SARM1: variants seen among roughly 807,000 people sequenced by gnomAD.
The protein encoded by SARM1 is NAD(+) hydrolase SARM1.
In SARM1, 60 loss-of-function variants were observed where a neutral mutation model predicts 65.1. The ratio of observed to expected loss-of-function variants is 0.92; its 90% CI spans 0.75 to 1.14. The LOEUF is 1.14. Ranked by LOEUF, SARM1 falls within the 50% of genes most tolerant of loss-of-function variation. The pLI is 0.00. For synonymous variants in SARM1, 417 were observed against 465.4 expected (o/e 0.90, Z 1.34); for missense variants, 913 against 1,015.7 (o/e 0.90, Z 1.37).
Position 28,388,371 on chromosome 17 carries a change from G to A in SARM1, c.1755G>A (p.Gln585=), listed in dbSNP as rs1555586399. The change falls in exon 7 of 9, where the codon CAG becomes CAA. Residue 585 remains glutamine (Q), a synonymous_variant. Transcript: ENST00000585482. ...GCAGTCTCCTGAAGGTGCACCTGCA[G>A]CTGCATGGCTTCAGTGTCTTCATTG... ...QLASLLKVHL[Q]LHGFSVFIDV... The A allele has an allele frequency of 6.2e-7, 1 of 1,613,970 alleles. No homozygotes were observed. The highest frequency in any genetic ancestry group is 1.7e-5 in the Admixed American group (1 of 60,018).
intron 1 of SARM1, among the ~76,000 whole-genome samples, chr17:28,375,140 C>G (rs1555584486): frequency 6.6e-6 from 1 of 152,156 alleles, no homozygotes; most frequent in African/African-American, 2.4e-5. Flanking sequence ...TATGGCTCTT[C>G]AAATCTGGCC....
Position 28,381,754 on chromosome 17 carries a change from C to A in SARM1, c.1022C>A (p.Ala341Glu). The A allele has an allele frequency of 6.7e-7, 1 of 1,497,932 alleles. No individual in the cohort carries two copies. The highest frequency in any genetic ancestry group is 1.3e-5 in the South Asian group (1 of 75,648). The allele number at this position is 1,497,932 out of a possible 1,614,324, so 92.8% of individuals were successfully genotyped here. A position where few individuals can be genotyped will look rare whatever the true frequency, so the allele number is the denominator to read the frequency against. ...TTGCTCGACTCTAACCGCTTGGAGG[C>A]GCAGTGCATCGGGGCTTTCTACCTC... ...VPLLDSNRLE[A>E]QCIGAFYLCA... is the part of the protein sequence containing the mutation. Residue 341 changes from alanine (A) to glutamate (E), a missense_variant, in exon 2 of 9, where the codon GCG (alanine) becomes GAG (glutamate). This residue lies in a region of SARM1 where 862 missense variants were observed against 952.1 expected (regional missense o/e 0.91). Transcript: ENST00000585482.
At chr17:28,391,479 G>A (rs1257753940) in intron 7 of SARM1, among the ~76,000 whole-genome samples, 1 of 152,132 alleles carries the variant, frequency 6.6e-6, no homozygotes, top group African/African-American at 2.4e-5. Context: ...AGCCCCAGAG[G>A]CCATGTAGGA....
intron 1 of SARM1, chr17:28,374,450 T>C (rs1464762894): frequency 6.6e-6 from 1 of 152,168 alleles, no homozygotes; most frequent in Non-Finnish European, 1.5e-5. Flanking sequence ...GGCAGGAGAA[T>C]TGCTGGAACT....
intron 1 of SARM1, among the ~76,000 whole-genome samples, chr17:28,378,597 T>G (rs1285056907): frequency 6.6e-6 from 1 of 152,184 alleles, no homozygotes; most frequent in Non-Finnish European, 1.5e-5. Flanking sequence ...TTTTTCCCAC[T>G]CAGTGTTGGG....
At chr17:28,388,659 G>A in intron 7 of SARM1, 120 bp downstream of exon 7, 1 of 1,027,448 alleles carries the variant, frequency 9.7e-7, no homozygotes, top group Non-Finnish European at 1.4e-6. Context: ...GCACCTCCTT[G>A]GCCCAGCTGG....
intron 7 of SARM1, 50 bp from the exon 8 acceptor site, chr17:28,395,855 G>A: frequency 1.2e-6 from 2 of 1,606,118 alleles, no homozygotes; most frequent in East Asian, 2.2e-5. Flanking sequence ...GGCTACAAGG[G>A]TCCCTAGATG....
chr17:28,388,374 G>C lies in SARM1; in HGVS notation c.1758G>C (p.Leu586=), dbSNP rs1555586400. The change falls in exon 7 of 9, where the codon CTG becomes CTC. Residue 586 remains leucine, a synonymous_variant. Transcript: ENST00000585482. The part of the protein sequence containing the change: ...LASLLKVHLQ[L]HGFSVFIDVE... ...GTCTCCTGAAGGTGCACCTGCAGCT[G>C]CATGGCTTCAGTGTCTTCATTGATG... is the stretch of plus-strand genomic sequence containing the variant. 2 of 1,613,998 alleles carry C rather than the reference G, an allele frequency of 1.2e-6. No homozygotes were observed. Among genetic ancestry groups the C allele is most frequent in the East Asian group, 4.5e-5 (2 of 44,884 alleles).
At chr17:28,390,586 A>T (rs1350451796) in intron 7 of SARM1, among the ~76,000 whole-genome samples, 2 of 152,060 alleles carry the variant, frequency 1.3e-5, no homozygotes, top group Non-Finnish European at 2.9e-5. Context: ...AGACCACGCT[A>T]TATAGGGTTA....
Position 28,399,758 on chromosome 17 carries a change from C to T in SARM1, c.*3472C>T, listed in dbSNP as rs1275514096. On this transcript the variant is annotated 3_prime_UTR_variant, in exon 9 of 9. Coordinates refer to ENST00000585482, the MANE Select transcript of SARM1 (RefSeq NM_015077.4). Reference sequence around the variant, plus strand: ...GAGTTTGGATTTCATGTGGGGAACCCTCAAGGCCTGTCTGGAGAAGTGACA... The same window carrying T: ...GAGTTTGGATTTCATGTGGGGAACCTTCAAGGCCTGTCTGGAGAAGTGACA... 2 of 1,606,072 alleles carry T rather than the reference C, an allele frequency of 1.2e-6. No individual in the cohort carries two copies. Among genetic ancestry groups the T allele is most frequent in the South Asian group, 1.1e-5 (1 of 90,876 alleles).
At chr17:28,391,724 AAAAAG>A (rs1344294891) in intron 7 of SARM1, among the ~76,000 whole-genome samples, 4 of 141,750 alleles carry the variant, frequency 2.8e-5, no homozygotes, top group African/African-American at 1.1e-4. Context: ...AAAAAAAAAA[AAAAAG>A]AGAGAGAGAG....
At chr17:28,377,784 G>C (rs2068001336) in intron 1 of SARM1, among the ~76,000 whole-genome samples, 1 of 152,090 alleles carries the variant, frequency 6.6e-6, no homozygotes, top group Admixed American at 6.6e-5. Context: ...TGCAACCTCT[G>C]CCTCCTGGGT....
In SARM1 at chr17:28,371,955, T is replaced by A; in HGVS notation, c.-78T>A. 1 of 1,094,342 alleles carries A rather than the reference T, an allele frequency of 9.1e-7. No homozygotes were observed. The highest frequency in any genetic ancestry group is 1.2e-6 in the Non-Finnish European group (1 of 814,414). The allele number at this position is 1,094,342 out of a possible 1,614,324, so 67.8% of individuals were successfully genotyped here. A position where few individuals can be genotyped will look rare whatever the true frequency, so the allele number is the denominator to read the frequency against. On this transcript the variant is annotated 5_prime_UTR_variant, in exon 1 of 9. Coordinates refer to ENST00000585482, the MANE Select transcript of SARM1 (RefSeq NM_015077.4). ...TCTTCTTTCCCCGACCCCTCTCGGGTCCCTCTTTTCCCAAAACCCGGGTCT... is the reference window on the plus strand; with the variant it reads ...TCTTCTTTCCCCGACCCCTCTCGGGACCCTCTTTTCCCAAAACCCGGGTCT...
At chr17:28,378,922 C>T (rs1176728783) in intron 1 of SARM1, among the ~76,000 whole-genome samples, 1 of 152,182 alleles carries the variant, frequency 6.6e-6, no homozygotes, top group Non-Finnish European at 1.5e-5. Context: ...TCACTTGGAC[C>T]TCCCTGCAAA....
In SARM1 at chr17:28,372,576, T is replaced by C; in HGVS notation, c.470+74T>C. On this transcript the variant is annotated intron_variant, in intron 1 of 8. Coordinates refer to ENST00000585482, the MANE Select transcript of SARM1 (RefSeq NM_015077.4). This position sits in a 1 kb window ranked among gnomAD's most constrained non-coding sequence, Gnocchi z 5.2. Reference sequence around the variant, plus strand: ...TTAAGCGCCTGCGTTCCCGTGTGCCTTGCGCCGTGCCTTTGCCTCCCTCAC... The same window carrying C: ...TTAAGCGCCTGCGTTCCCGTGTGCCCTGCGCCGTGCCTTTGCCTCCCTCAC... 8.2e-7 allele frequency: 1 copy of C among 1,218,192 alleles called. No homozygotes were observed. The highest frequency in any genetic ancestry group is 1.1e-6 in the Non-Finnish European group (1 of 899,616). 75.5% of individuals were successfully genotyped at this position (1,218,192 alleles called of 1,614,324 possible).
chr17:28,378,796 T>C (rs1316726722), intron 1 of SARM1, among the ~76,000 whole-genome samples: 10 of 152,164 alleles, frequency 6.6e-5, no homozygotes, highest in Admixed American at 3.9e-4. Context: ...TAGCTGGGAC[T>C]ACAGGCCTGT....
rs1372031190 is a variant in SARM1 at position 28,384,333 on chromosome 17, G to T, written c.1090-24G>T. On this transcript the variant is annotated intron_variant, in intron 2 of 8. Transcript: ENST00000585482. This position sits in a 1 kb window ranked among gnomAD's most constrained non-coding sequence, Gnocchi z 4.4. ...ACCTGGAGAGCTGGTGGGACCTACAGCCCTCTCCCCACTCCCTCCCTAGGT... is the reference window on the plus strand; with the variant it reads ...ACCTGGAGAGCTGGTGGGACCTACATCCCTCTCCCCACTCCCTCCCTAGGT... 3 of 1,544,844 alleles carry T rather than the reference G, an allele frequency of 1.9e-6. No homozygotes were observed. The highest frequency in any genetic ancestry group is 2.6e-6 in the Non-Finnish European group (3 of 1,143,308).
Position 28,399,353 on chromosome 17 carries a change from TG to T in SARM1, c.*3069del, listed in dbSNP as rs2068167661. 1.1e-5 allele frequency: 4 copies of T among 378,892 alleles called. No individual in the cohort carries two copies. The South Asian group carries it at 1.4e-4, about 13-fold the overall frequency. The allele number at this position is 378,892 out of a possible 1,614,324, so 23.5% of individuals were successfully genotyped here. On this transcript the variant is annotated 3_prime_UTR_variant, in exon 9 of 9. Transcript: ENST00000585482. ...GTCACCTCTCTCAGGACCTCTCCTC[TG>T]GCCTGTGGGGTTATAAGTGATGGAT...
chr17:28,395,964 G>A lies in SARM1; in HGVS notation c.1983G>A (p.Glu661=), dbSNP rs782340769. Residue 661 remains glutamate, a synonymous_variant, in exon 8 of 9, where the codon GAG becomes GAA. Transcript: ENST00000585482. The part of the protein sequence containing the change: ...KNIVPIIDGF[E]WPEPQVLPED... ...TTGTGCCCATCATTGATGGCTTCGAGTGGCCTGAGCCCCAGGTCCTGCCTG... is the reference window on the plus strand; with the variant it reads ...TTGTGCCCATCATTGATGGCTTCGAATGGCCTGAGCCCCAGGTCCTGCCTG... The A allele has an allele frequency of 3.1e-6, 5 of 1,613,868 alleles. No individual in the cohort carries two copies. The highest frequency in any genetic ancestry group is 1.3e-5 in the African/African-American group (1 of 74,916).
Sources: gnomAD v4.1 joint callset for allele counts (sites outside exome capture counted in the v4.1 genomes callset) on GRCh38, gnomAD v4.1.1 for gene constraint, gnomAD v4.1.1 regional missense constraint, Gnocchi (gnomAD v3.1) non-coding constraint, MANE v1.5 for transcripts, NCBI Gene and HGNC (gene_info 2026-07-23, HGNC 2026-07-21) for gene names.